FMO3: variants seen among roughly 807,000 people sequenced by gnomAD.
The protein encoded by FMO3 is flavin-containing monooxygenase 3.
A neutral mutation model predicts 39.4 loss-of-function variants in FMO3; 40 were observed. That is an observed-to-expected ratio of 1.02 (90% CI 0.79 to 1.32). The LOEUF (loss-of-function observed/expected upper bound fraction) is 1.32, where lower values mean the gene tolerates loss of function less well. Among genes scored for constraint, FMO3 ranks in the 40% most tolerant of loss-of-function variants. The pLI is 0.00. For missense variants in FMO3, 680 were observed against 651.8 expected, an observed-to-expected ratio of 1.04 and a Z score of -0.47; for synonymous variants, 219 against 228.8, an observed-to-expected ratio of 0.96 and a Z score of 0.39.
At chr1:171,092,001 A>G (rs1046195478) in intron 1 of FMO3, among the ~76,000 whole-genome samples, 3 of 152,058 alleles carry the variant, frequency 2.0e-5, no homozygotes, top group Admixed American at 2.0e-4. Context: ...GGATGTGTCT[A>G]CAGGTGTTTT....
intron 2 of FMO3, among the ~76,000 whole-genome samples, chr1:171,096,297 A>G (rs1451594418): frequency 1.2e-3 from 111 of 95,248 alleles, no homozygotes; most frequent in South Asian, 2.7e-3. Flanking sequence ...TATATCTATT[A>G]TATATCATAT....
chr1:171,107,902 C>T (rs1571218981), intron 4 of FMO3, 65 bp downstream of exon 4: 4 of 1,482,286 alleles, frequency 2.7e-6, no homozygotes, highest in East Asian at 4.7e-5. Flanking sequence ...ATAATGTCTT[C>T]TTTTTTCTAA....
chr1:171,101,871 T>C (rs1236683591), intron 2 of FMO3: 1 of 392,226 alleles, frequency 2.5e-6, no homozygotes, highest in Non-Finnish European at 5.3e-6. Context: ...TGAAGTTTTA[T>C]GAATAGTGGC....
chr1:171,107,716 T>G lies in FMO3; in HGVS notation c.363T>G (p.Thr121=), dbSNP rs1655707043. 1 of 1,613,164 alleles carries G rather than the reference T, an allele frequency of 6.2e-7. No homozygotes were observed. The part of the protein sequence containing the change: ...SSVNKHPDFA[T]TGQWDVTTER... ...TAAATAAACATCCTGATTTTGCAACTACTGGCCAGTGGGATGTTACCACTG... is the reference window on the plus strand; with the variant it reads ...TAAATAAACATCCTGATTTTGCAACGACTGGCCAGTGGGATGTTACCACTG... The change falls in exon 4 of 9, where the codon ACT becomes ACG. Residue 121 remains threonine, a synonymous_variant. Coordinates refer to ENST00000367755, the MANE Select transcript of FMO3 (RefSeq NM_001002294.3).
chr1:171,114,161 G>A lies in FMO3; in HGVS notation c.982G>A (p.Ala328Thr), dbSNP rs1480568677. ...TGAGGGCATTGACTGTGTAATCTTT[G>A]CAACAGGGTATAGTTTTGCCTACCC... ...IFEGIDCVIFATGYSFAYPFL... is the reference protein window; with the variant it reads ...IFEGIDCVIFTTGYSFAYPFL... The change falls in exon 7 of 9, where the codon GCA (alanine) becomes ACA (threonine). Residue 328 changes from alanine (A) to threonine (T), a missense_variant. Physicochemically the swap from Ala to Thr is moderately conservative, Grantham distance 58. Coordinates refer to ENST00000367755, the MANE Select transcript of FMO3 (RefSeq NM_001002294.3). 9 of 1,614,024 alleles carry A rather than the reference G, an allele frequency of 5.6e-6. No homozygotes were observed. The highest frequency in any genetic ancestry group is 7.6e-6 in the Non-Finnish European group (9 of 1,179,950).
Position 171,117,294 on chromosome 1 carries a change from A to G in FMO3, c.1451A>G (p.Asn484Ser), listed in dbSNP as rs768179300. 3 of 1,614,074 alleles carry G rather than the reference A, an allele frequency of 1.9e-6. No homozygotes were observed. Among genetic ancestry groups the G allele is most frequent in the Non-Finnish European group, 2.5e-6 (3 of 1,180,026 alleles). ...VGPGQWPGAR[N>S]AILTQWDRSL... ...CCAGGGCAGTGGCCAGGAGCCAGAA[A>G]TGCCATACTGACCCAGTGGGACCGG... is the stretch of plus-strand genomic sequence containing the variant. Residue 484 changes from asparagine (N) to serine (S), a missense_variant, in exon 9 of 9, where the codon AAT (asparagine) becomes AGT (serine). Asn to Ser is a conservative substitution (Grantham distance 46). Transcript: ENST00000367755.
chr1:171,108,490 A>G (rs1013244307), intron 5 of FMO3, among the ~76,000 whole-genome samples: 2 of 152,156 alleles, frequency 1.3e-5, no homozygotes, highest in Non-Finnish European at 2.9e-5. Context: ...CAATTTCTCT[A>G]AAACTAGCAC....
chr1:171,110,427 T>G (rs949976840), intron 5 of FMO3, among the ~76,000 whole-genome samples: 2 of 152,092 alleles, frequency 1.3e-5, no homozygotes, highest in East Asian at 1.9e-4. Context: ...AGATGTAAAG[T>G]TCAGACGTTT....
At chr1:171,096,708 A>T (rs1369554042) in intron 2 of FMO3, among the ~76,000 whole-genome samples, 5 of 138,790 alleles carry the variant, frequency 3.6e-5, no homozygotes, top group Non-Finnish European at 6.1e-5. Flanking sequence ...ATTATATAAA[A>T]ATTAATATAA....
At chr1:171,110,749 T>A (rs941049502) in intron 5 of FMO3, 49 bp from the exon 6 acceptor site, 10 of 1,549,500 alleles carry the variant, frequency 6.5e-6, no homozygotes, top group Non-Finnish European at 6.2e-6. Flanking sequence ...CACCAGAATA[T>A]CCACTACAAA....
At chr1:171,096,473 A>G (rs1169498790) in intron 2 of FMO3, among the ~76,000 whole-genome samples, 1 of 103,190 alleles carries the variant, frequency 9.7e-6, no homozygotes, top group Non-Finnish European at 1.7e-5. Flanking sequence ...AATACATAAT[A>G]TATTTTATAT....
At chr1:171,096,325 TA>T (rs1394654343) in intron 2 of FMO3, among the ~76,000 whole-genome samples, 3 of 96,562 alleles carry the variant, frequency 3.1e-5, no homozygotes, top group South Asian at 3.5e-4. Flanking sequence ...TTATATATAA[TA>T]TATAAAATAT....
chr1:171,098,607 A>G (rs1655216175), intron 2 of FMO3, among the ~76,000 whole-genome samples: 1 of 152,148 alleles, frequency 6.6e-6, no homozygotes, highest in Admixed American at 6.5e-5. Context: ...TTATTGGGGT[A>G]TAAGAATGCT....
chr1:171,116,520 T>C (rs1033271868), intron 8 of FMO3, among the ~76,000 whole-genome samples: 21 of 152,202 alleles, frequency 1.4e-4, no homozygotes, highest in African/African-American at 5.1e-4. Flanking sequence ...CTACATTACA[T>C]AGACAGTTTT....
intron 2 of FMO3, among the ~76,000 whole-genome samples, chr1:171,098,854 T>A (rs1180531885): frequency 6.6e-6 from 1 of 152,190 alleles, no homozygotes; most frequent in Admixed American, 6.5e-5. Flanking sequence ...TGAGAGGGCA[T>A]CCCTGTCTTG....
intron 2 of FMO3, among the ~76,000 whole-genome samples, chr1:171,096,750 T>C (rs1446124955): frequency 1.5e-5 from 2 of 137,928 alleles, no homozygotes; most frequent in East Asian, 4.1e-4. Context: ...TTAATATAAT[T>C]ATATTAAAAA....
intron 2 of FMO3, chr1:171,100,660 AGTTGAGACTTGATTTCATGCTGCTATGG>A: frequency 6.4e-6 from 1 of 156,690 alleles, no homozygotes; most frequent in East Asian, 1.8e-4. Flanking sequence ...TATAAATGAG[AGTTGAGACTTGATTTCATGCTGCTATGG>A]GTTGAGACTT....
At chr1:171,092,816 C>T (rs1654776884) in intron 2 of FMO3, 26 bp downstream of exon 2, 1 of 1,612,658 alleles carries the variant, frequency 6.2e-7, no homozygotes, top group African/African-American at 1.3e-5. Flanking sequence ...TTGTAATAGA[C>T]AGGAAAATAG....
chr1:171,100,179 C>G (rs1235855357), intron 2 of FMO3: 1 of 152,158 alleles, frequency 6.6e-6, no homozygotes, highest in Non-Finnish European at 1.5e-5. Flanking sequence ...GCTGATATGG[C>G]TATTGAGAGG....
Sources: allele counts gnomAD v4.1 joint callset (sites outside exome capture counted in the v4.1 genomes callset), GRCh38; gene constraint gnomAD v4.1.1; transcripts MANE v1.5; gene names NCBI Gene and HGNC (gene_info 2026-07-23, HGNC 2026-07-21).